C1QC: variants seen among roughly 807,000 people sequenced by gnomAD.
The protein encoded by C1QC is complement C1q subcomponent subunit C.
C1QC carries 4 observed loss-of-function variants against 5.9 expected under a neutral mutation model. That is an observed-to-expected ratio of 0.68 (90% CI 0.33 to 1.55). The LOEUF (loss-of-function observed/expected upper bound fraction) is 1.55. Among genes scored for constraint, C1QC ranks in the 40% most tolerant of loss-of-function variants. C1QC has a pLI of 0.06. For missense variants in C1QC, 299 were observed against 326.9 expected (o/e 0.91, Z 0.66); for synonymous variants, 166 against 153.8 (o/e 1.08, Z -0.59).
intron 2 of C1QC, among the ~76,000 whole-genome samples, chr1:22,645,304 C>A (rs568551341): frequency 6.6e-6 from 1 of 152,242 alleles, no homozygotes; most frequent in South Asian, 2.1e-4. Context: ...CCTCCCTGCC[C>A]AGGGTAGCTG....
chr1:22,644,350 G>A, intron 2 of C1QC, 146 bp downstream of exon 2: 6 of 1,147,832 alleles, frequency 5.2e-6, no homozygotes, highest in South Asian at 1.7e-5. Flanking sequence ...CTCTCACGGT[G>A]TGTCTGGCTC....
intron 2 of C1QC, among the ~76,000 whole-genome samples, chr1:22,645,342 T>A (rs1475319115): frequency 6.6e-6 from 1 of 151,972 alleles, no homozygotes; most frequent in Non-Finnish European, 1.5e-5. Flanking sequence ...AGCCCCCAAG[T>A]CCCAGGTGTG....
At chr1:22,644,245 AG>A (rs1411828580) in intron 2 of C1QC, 41 bp downstream of exon 2, 1 of 1,515,754 alleles carries the variant, frequency 6.6e-7, no homozygotes, top group African/African-American at 1.4e-5. Flanking sequence ...GGTCTGGGGC[AG>A]GGATCAGAGT....
At chr1:22,644,686 C>T (rs949991443) in intron 2 of C1QC, among the ~76,000 whole-genome samples, 23 of 152,168 alleles carry the variant, frequency 1.5e-4, no homozygotes, top group African/African-American at 9.7e-5. Context: ...ATCTGTAAAA[C>T]GAGGAGATGG....
intron 2 of C1QC, among the ~76,000 whole-genome samples, 192 bp downstream of exon 2, chr1:22,644,396 G>C (rs1428379634): frequency 6.6e-6 from 1 of 152,192 alleles, no homozygotes; most frequent in Non-Finnish European, 1.5e-5. Flanking sequence ...GGCCACCCCA[G>C]AGGTGACCTT....
chr1:22,644,355 T>C (rs972713702), intron 2 of C1QC, 151 bp downstream of exon 2: 22 of 1,125,200 alleles, frequency 2.0e-5, no homozygotes, highest in Admixed American at 3.0e-5. Context: ...ACGGTGTGTC[T>C]GGCTCCTCTA....
Position 22,647,866 on chromosome 1 carries a change from T to A in C1QC, c.*83T>A, listed in dbSNP as rs1642403951. 3 of 1,567,906 alleles carry A rather than the reference T, an allele frequency of 1.9e-6. No individual in the cohort carries two copies. In the Admixed American group the frequency reaches 5.2e-5, roughly 27 times the overall value. On this transcript the variant is annotated 3_prime_UTR_variant, in exon 3 of 3. Coordinates refer to ENST00000374640, the MANE Select transcript of C1QC (RefSeq NM_172369.5). Reference sequence around the variant, plus strand: ...GACCCACCTTACTGGCCAGTCTGCATCCTTGCCTAGACCATTCTCCCCACC... The same window carrying A: ...GACCCACCTTACTGGCCAGTCTGCAACCTTGCCTAGACCATTCTCCCCACC...
At chr1:22,643,881 T>A in intron 1 of C1QC, 130 bp from the exon 2 acceptor site, 6 of 1,384,224 alleles carry the variant, frequency 4.3e-6, no homozygotes, top group Non-Finnish European at 5.7e-6. Context: ...CCACCATCCA[T>A]CCATGGTGAG....
Position 22,647,482 on chromosome 1 carries a change from A to G in C1QC, c.437A>G (p.Asn146Ser). Residue 146 changes from asparagine (N) to serine (S), a missense_variant, in exon 3 of 3, where the codon AAC becomes AGC. Around this residue, in one of 3 missense-constraint regions of C1QC, gnomAD observed 144 missense variants for 155.1 expected, o/e 0.93. Transcript: ENST00000374640. ...SLIRFNAVLTNPQGDYDTSTG... is the reference protein window; with the variant it reads ...SLIRFNAVLTSPQGDYDTSTG... ...ATCAGATTCAACGCGGTCCTCACCA[A>G]CCCGCAGGGAGATTATGACACGAGC... is the stretch of plus-strand genomic sequence containing the variant. 6.2e-7 allele frequency: 1 copy of G among 1,614,140 alleles called. No individual in the cohort carries two copies. Among genetic ancestry groups the G allele is most frequent in the Non-Finnish European group, 8.5e-7 (1 of 1,180,020 alleles).
intron 1 of C1QC, 70 bp from the exon 2 acceptor site, chr1:22,643,941 G>A (rs1642318939): frequency 1.3e-6 from 2 of 1,521,242 alleles, no homozygotes; most frequent in South Asian, 2.6e-5. Context: ...AGGAGGACGG[G>A]CCCTGGGGAA....
At chr1:22,644,745 TA>T (rs2148295248) in intron 2 of C1QC, among the ~76,000 whole-genome samples, 1 of 152,304 alleles carries the variant, frequency 6.6e-6, no homozygotes, top group South Asian at 2.1e-4. Flanking sequence ...AACTTAAATA[TA>T]AAACAGCCCT....
chr1:22,647,229 A>T lies in C1QC; in HGVS notation c.184A>T (p.Ile62Phe). The T allele has an allele frequency of 6.2e-7, 1 of 1,604,000 alleles. No individual in the cohort carries two copies. The highest frequency in any genetic ancestry group is 8.5e-7 in the Non-Finnish European group (1 of 1,179,852). The change falls in exon 3 of 3, where the codon ATC (isoleucine) becomes TTC (phenylalanine). Residue 62 changes from isoleucine (I) to phenylalanine (F), a missense_variant and splice_region_variant. Ile to Phe is a conservative substitution (Grantham distance 21). Around this residue, in one of 3 missense-constraint regions of C1QC, gnomAD observed 146 missense variants for 144.1 expected, o/e 1.01. Coordinates refer to ENST00000374640, the MANE Select transcript of C1QC (RefSeq NM_172369.5). The stretch of plus-strand genomic sequence containing the variant: ...CTCTCTGCCTTCTCCATCTCCAGGA[A>T]TCCCAGCCATTCCCGGGATCCGAGG... ...GLPGPKGEPG[I>F]PAIPGIRGPK...
At position 22,647,367 on chromosome 1, in the gene C1QC, C is replaced by A. The variant is rs139780188; in HGVS notation, c.322C>A (p.Pro108Thr). Residue 108 changes from proline (P) to threonine (T), a missense_variant, in exon 3 of 3, where the codon CCA (proline) becomes ACA (threonine). Pro to Thr is a conservative substitution (Grantham distance 38). Around this residue, in one of 3 missense-constraint regions of C1QC, gnomAD observed 146 missense variants for 144.1 expected, o/e 1.01. Coordinates refer to ENST00000374640, the MANE Select transcript of C1QC (RefSeq NM_172369.5). ...VPGPMGIPGEPGEEGRYKQKF... is the reference protein window; with the variant it reads ...VPGPMGIPGETGEEGRYKQKF... ...CGGCCCCATGGGCATCCCTGGAGAG[C>A]CAGGTGAGGAGGGCAGATACAAGCA... The A allele has an allele frequency of 6.2e-7, 1 of 1,614,026 alleles. No homozygotes were observed.
At position 22,647,237 on chromosome 1, in the gene C1QC, C is replaced by G; in HGVS notation, c.192C>G (p.Ala64=). 1 of 1,605,464 alleles carries G rather than the reference C, an allele frequency of 6.2e-7. No individual in the cohort carries two copies. Among genetic ancestry groups the G allele is most frequent in the Non-Finnish European group, 8.5e-7 (1 of 1,179,930 alleles). The part of the protein sequence containing the change: ...PGPKGEPGIP[A]IPGIRGPKGQ... ...CTTCTCCATCTCCAGGAATCCCAGC[C>G]ATTCCCGGGATCCGAGGACCCAAAG... is the stretch of plus-strand genomic sequence containing the variant. The change falls in exon 3 of 3, where the codon GCC becomes GCG. Residue 64 remains alanine, a synonymous_variant. Transcript: ENST00000374640.
chr1:22,644,226 G>A (rs1189489864), intron 2 of C1QC, 22 bp downstream of exon 2: 45 of 1,544,356 alleles, frequency 2.9e-5, no homozygotes, highest in Non-Finnish European at 3.9e-5. Context: ...GGCCTGGTTT[G>A]GGGGTTTGGG....
At chr1:22,645,992 CT>C (rs1358777372) in intron 2 of C1QC, among the ~76,000 whole-genome samples, 2 of 152,296 alleles carry the variant, frequency 1.3e-5, no homozygotes, top group Non-Finnish European at 2.9e-5. Flanking sequence ...GGAGTCAGCC[CT>C]TAAAAGATGA....
rs1357865035 is a variant in C1QC, at chr1:22,647,381, C to A, written c.336C>A (p.Gly112=). ...TCCCTGGAGAGCCAGGTGAGGAGGG[C>A]AGATACAAGCAGAAATTCCAGTCAG... ...MGIPGEPGEE[G]RYKQKFQSVF... is the part of the protein sequence containing the mutation. Residue 112 remains glycine, a synonymous_variant, in exon 3 of 3, where the codon GGC becomes GGA. Transcript: ENST00000374640. 1 of 1,614,060 alleles carries A rather than the reference C, an allele frequency of 6.2e-7. No homozygotes were observed. The highest frequency in any genetic ancestry group is 1.3e-5 in the African/African-American group (1 of 75,018).
intron 2 of C1QC, among the ~76,000 whole-genome samples, chr1:22,646,111 A>T (rs1642365249): frequency 6.6e-6 from 1 of 152,186 alleles, no homozygotes; most frequent in Non-Finnish European, 1.5e-5. Flanking sequence ...ACCTGACTCC[A>T]CCTCAAACTG....
At chr1:22,645,615 C>T (rs1254990060) in intron 2 of C1QC, among the ~76,000 whole-genome samples, 1 of 152,190 alleles carries the variant, frequency 6.6e-6, no homozygotes, top group African/African-American at 2.4e-5. Context: ...CGCTGCTCTG[C>T]TCAGCATCAC....
Sources: gnomAD v4.1 joint callset for allele counts (sites outside exome capture counted in the v4.1 genomes callset) on GRCh38, gnomAD v4.1.1 for gene constraint, gnomAD v4.1.1 regional missense constraint, MANE v1.5 for transcripts, NCBI Gene and HGNC (gene_info 2026-07-23, HGNC 2026-07-21) for gene names.